Variants in MASP2 observed in about 807,000 individuals in gnomAD.
MASP2 encodes mannan-binding lectin serine protease 2.
In MASP2, 49 loss-of-function variants were observed where a neutral mutation model predicts 57.1. The observed-to-expected ratio is 0.86, with a 90% CI of 0.68 to 1.09. The LOEUF is 1.09. Among genes scored for constraint, MASP2 ranks in the 50% least tolerant of loss-of-function variants. The pLI is 0.00. For missense variants in MASP2, 900 were observed against 874.8 expected, an observed-to-expected ratio of 1.03 and a Z score of -0.36; for synonymous variants, 379 against 340.8, an observed-to-expected ratio of 1.11 and a Z score of -1.24.
chr1:11,034,902 T>C lies in MASP2; in HGVS notation c.1013A>G (p.His338Arg). The C allele has an allele frequency of 6.2e-7, 1 of 1,609,962 alleles. No individual in the cohort carries two copies. Residue 338 changes from histidine (H) to arginine (R), a missense_variant, in exon 8 of 11, where the codon CAC becomes CGC. Physicochemically the swap from His to Arg is conservative, Grantham distance 29. Coordinates refer to ENST00000400897, the MANE Select transcript of MASP2 (RefSeq NM_006610.4). ...CETGYELLQGHLPLKSFTAVC... is the reference protein window; with the variant it reads ...CETGYELLQGRLPLKSFTAVC... The stretch of plus-strand genomic sequence containing the variant: ...TGCAGTAAAGGATTTCAGGGGCAAG[T>C]GACCCTAAAGAAGAATTCAGAATAT...
intron 3 of MASP2, 186 bp from the exon 4 acceptor site, chr1:11,045,725 G>A (rs1450186235): frequency 1.6e-6 from 1 of 616,484 alleles, no homozygotes; most frequent in Non-Finnish European, 2.8e-6. Context: ...TCCCAGCAGC[G>A]CTGGGAGAAA....
At position 11,027,048 on chromosome 1, in the gene MASP2, C is replaced by G; in HGVS notation, c.1898G>C (p.Ser633Thr). ...SGGKDSCRGD[S>T]GGALVFLDSE... ...ATCTAGAAACACCAGTGCCCCTCCG[C>G]TGTCACCTCTGCAGCTGTCCTTGCC... Residue 633 changes from serine to threonine, a missense_variant, in exon 11 of 11, where the codon AGC becomes ACC. Physicochemically the swap from Ser to Thr is moderately conservative, Grantham distance 58. Transcript: ENST00000400897. 6.3e-7 allele frequency: 1 copy of G among 1,593,604 alleles called. No homozygotes were observed. Among genetic ancestry groups the G allele is most frequent in the Non-Finnish European group, 8.5e-7 (1 of 1,170,132 alleles).
chr1:11,027,496 C>T lies in MASP2; in HGVS notation c.1450G>A (p.Ala484Thr). Reference sequence around the variant, plus strand: ...GCATCATGTTTTTGCTCATAGACGGCATGAGCAGCTGTTAGGACCCAGTTG... The same window carrying T: ...GCATCATGTTTTTGCTCATAGACGGTATGAGCAGCTGTTAGGACCCAGTTG... Reference protein sequence around the residue: ...YDNWVLTAAHAVYEQKHDASA... With the variant: ...YDNWVLTAAHTVYEQKHDASA... The change falls in exon 11 of 11, where the codon GCC (alanine) becomes ACC (threonine). Residue 484 changes from alanine (A) to threonine (T), a missense_variant. Coordinates refer to ENST00000400897, the MANE Select transcript of MASP2 (RefSeq NM_006610.4). The T allele has an allele frequency of 1.9e-6, 3 of 1,614,154 alleles. No individual in the cohort carries two copies. Among genetic ancestry groups the T allele is most frequent in the Non-Finnish European group, 2.5e-6 (3 of 1,180,030 alleles).
In MASP2 at chr1:11,046,740, G is replaced by C. The variant is rs766381178; in HGVS notation, c.235-7C>G. The C allele has an allele frequency of 5.0e-6, 8 of 1,610,354 alleles. No homozygotes were observed. The East Asian group carries it at 1.8e-4, about 36-fold the overall frequency. ...CCTTGGCCCCCGAGCTCAGCTGTGGGGTCAGGTGTCACAGGGAGTGAAGGC... is the reference window on the plus strand; with the variant it reads ...CCTTGGCCCCCGAGCTCAGCTGTGGCGTCAGGTGTCACAGGGAGTGAAGGC... On this transcript the variant is annotated splice_polypyrimidine_tract_variant and splice_region_variant and intron_variant, in intron 2 of 10. Coordinates refer to ENST00000400897, the MANE Select transcript of MASP2 (RefSeq NM_006610.4).
intron 7 of MASP2, among the ~76,000 whole-genome samples, chr1:11,036,522 AAAAAAAAAAAAAAAAC>A (rs1557670914): frequency 7.6e-4 from 99 of 129,784 alleles, no homozygotes; most frequent in South Asian, 3.8e-3. Context: ...AAAAAAAAAA[AAAAAAAAAAAAAAAAC>A]AAAAAAAAAA....
intron 1 of MASP2, 42 bp from the exon 2 acceptor site, chr1:11,047,161 C>T: frequency 6.4e-7 from 1 of 1,554,978 alleles, no homozygotes; most frequent in Non-Finnish European, 8.7e-7. Flanking sequence ...GGCCTGTGCT[C>T]CCACCCCACA....
chr1:11,041,599 GTGGATGGATGGATGGA>G (rs555313272), intron 6 of MASP2, among the ~76,000 whole-genome samples: 132 of 117,602 alleles, frequency 1.1e-3, no homozygotes, highest in African/African-American at 4.1e-3. Context: ...TGGATGGATG[GTGGATGGATGGATGGA>G]TGGATGGATG....
chr1:11,033,118 C>T (rs897866362), intron 8 of MASP2, among the ~76,000 whole-genome samples: 8 of 151,758 alleles, frequency 5.3e-5, no homozygotes, highest in African/African-American at 1.9e-4. Flanking sequence ...CCCCTGAGGG[C>T]GGGAGTTCGA....
chr1:11,034,069 C>G (rs948748819), intron 8 of MASP2, among the ~76,000 whole-genome samples: 10 of 151,720 alleles, frequency 6.6e-5, no homozygotes, highest in Admixed American at 6.6e-4. Context: ...GAAACCCCAT[C>G]TCTACTAAAA....
At position 11,044,712 on chromosome 1, in the gene MASP2, T is replaced by A. The variant is rs1638569781; in HGVS notation, c.544+696A>T. 4 of 1,254,854 alleles carry A rather than the reference T, an allele frequency of 3.2e-6. No individual in the cohort carries two copies. In the South Asian group the frequency reaches 6.0e-5, roughly 19 times the overall value. The allele number at this position is 1,254,854 out of a possible 1,614,324, so 77.7% of individuals were successfully genotyped here. A position where few individuals can be genotyped will look rare whatever the true frequency, so the allele number is the denominator to read the frequency against. On this transcript the variant is annotated intron_variant, in intron 4 of 10. Transcript: ENST00000400897. Reference sequence around the variant, plus strand: ...GGAGGAGGCTCCCACAGACCTGGGGTTCATGAGGCTGTGAGGAGGGTAGGC... The same window carrying A: ...GGAGGAGGCTCCCACAGACCTGGGGATCATGAGGCTGTGAGGAGGGTAGGC...
chr1:11,029,468 C>T (rs1310109022), intron 10 of MASP2, among the ~76,000 whole-genome samples: 1 of 151,226 alleles, frequency 6.6e-6, no homozygotes, highest in Non-Finnish European at 1.5e-5. Flanking sequence ...AAAAAAAGTA[C>T]TATTAAAAGG....
chr1:11,032,473 TGGTGGCGGGCGCC>T (rs1643861714), intron 8 of MASP2, among the ~76,000 whole-genome samples: 1 of 151,612 alleles, frequency 6.6e-6, no homozygotes, highest in South Asian at 2.1e-4. Context: ...TTACTGGGTG[TGGTGGCGGGCGCC>T]TGTAATCCCG....
Position 11,037,707 on chromosome 1 carries a change from A to T in MASP2, c.994T>A (p.Tyr332Asn). The T allele has an allele frequency of 6.2e-7, 1 of 1,610,334 alleles. No individual in the cohort carries two copies. The highest frequency in any genetic ancestry group is 1.1e-5 in the South Asian group (1 of 90,226). Reference sequence around the variant, plus strand: ...TTTTAACTCACTTGCAGAAGCTCATAGCCAGTCTCGCAAAAGATGGAGAAG... The same window carrying T: ...TTTTAACTCACTTGCAGAAGCTCATTGCCAGTCTCGCAAAAGATGGAGAAG... ...DSFSIFCETGYELLQGHLPLK... is the reference protein window; with the variant it reads ...DSFSIFCETGNELLQGHLPLK... Residue 332 changes from tyrosine to asparagine, a missense_variant, in exon 7 of 11, where the codon TAT (tyrosine) becomes AAT (asparagine). By Grantham distance (143) the Tyr-to-Asn change is moderately radical (BLOSUM62 -2). Coordinates refer to ENST00000400897, the MANE Select transcript of MASP2 (RefSeq NM_006610.4).
At chr1:11,045,287 C>T in intron 4 of MASP2, 121 bp downstream of exon 4, 1 of 1,477,806 alleles carries the variant, frequency 6.8e-7, no homozygotes, top group Non-Finnish European at 9.3e-7. Context: ...GCAGCAGGGC[C>T]TAGAAGCACC....
rs775229295 is a variant in MASP2, at chr1:11,046,567, T to C, written c.401A>G (p.Tyr134Cys). ...CCCTCTTGGCTCACCCTCGGCTGCA[T>C]AGAAGGCCTCGAACCCCGTGAACGG... ...EKPFTGFEAF[Y>C]AAEDIDECQV... Residue 134 changes from tyrosine (Y) to cysteine (C), a missense_variant, in exon 3 of 11, where the codon TAT becomes TGT. Coordinates refer to ENST00000400897, the MANE Select transcript of MASP2 (RefSeq NM_006610.4). The C allele has an allele frequency of 1.3e-5, 21 of 1,613,808 alleles. No homozygotes were observed. The East Asian group carries it at 2.5e-4, about 19-fold the overall frequency.
chr1:11,047,061 A>G lies in MASP2; in HGVS notation c.64T>C (p.Trp22Arg), dbSNP rs201137977. The G allele has an allele frequency of 1.3e-6, 2 of 1,549,844 alleles. No individual in the cohort carries two copies. The highest frequency in any genetic ancestry group is 4.9e-5 in the East Asian group (2 of 40,824). ...GSVATPLGPK[W>R]PEPVFGRLAS... ...AGGCGCCCGAACACAGGTTCAGGCC[A>G]CTTCGGGCCCAAGGGGGTGGCCACC... Residue 22 changes from tryptophan to arginine, a missense_variant, in exon 2 of 11, where the codon TGG (tryptophan) becomes CGG (arginine). Coordinates refer to ENST00000400897, the MANE Select transcript of MASP2 (RefSeq NM_006610.4).
intron 8 of MASP2, 49 bp from the exon 9 acceptor site, chr1:11,030,931 A>C: frequency 6.3e-7 from 1 of 1,587,544 alleles, no homozygotes; most frequent in Non-Finnish European, 8.6e-7. Context: ...TTTCAGTGCT[A>C]ACTTTCCAAA....
At chr1:11,044,829 T>C (rs192542590) in intron 4 of MASP2, 1 of 1,388,472 alleles carries the variant, frequency 7.2e-7, no homozygotes, top group East Asian at 3.7e-5. Flanking sequence ...ATTGGGTCCA[T>C]GGTGGGTGAA....
chr1:11,034,983 A>T, intron 7 of MASP2, 77 bp from the exon 8 acceptor site: 1 of 926,706 alleles, frequency 1.1e-6, no homozygotes, highest in Non-Finnish European at 1.6e-6. Flanking sequence ...CTCTCACAGC[A>T]GTTCCTATTC....
Sources: gnomAD v4.1 joint callset for allele counts (sites outside exome capture counted in the v4.1 genomes callset) on GRCh38, gnomAD v4.1.1 for gene constraint, MANE v1.5 for transcripts, NCBI Gene and HGNC (gene_info 2026-07-23, HGNC 2026-07-21) for gene names.